Variants in B3GALT1 observed in about 807,000 individuals in gnomAD.
B3GALT1 encodes the protein UDP-Gal:betaGlcNAc beta 1,3-galactosyltransferase, polypeptide 1.
Under a neutral mutation model 23.2 loss-of-function variants are expected in B3GALT1, and 10 were observed. That is an observed-to-expected ratio of 0.43 (90% CI 0.27 to 0.73). The LOEUF is 0.73. B3GALT1 is among the 30% of genes least tolerant of loss of function. The pLI is 0.21. For synonymous variants in B3GALT1, 156 were observed against 141.5 expected (o/e 1.10, Z -0.73); for missense variants, 299 against 405.4 (o/e 0.74, Z 2.25).
chr2:167,662,340 A>G (rs1299701727), intron 3 of B3GALT1, among the ~76,000 whole-genome samples: 1 of 152,070 alleles, frequency 6.6e-6, no homozygotes, highest in African/African-American at 2.4e-5. Flanking sequence ...ATTTCTTTTT[A>G]CAGCAGCTTT....
At chr2:167,639,919 C>T (rs570361469) in intron 2 of B3GALT1, among the ~76,000 whole-genome samples, 3 of 152,258 alleles carry the variant, frequency 2.0e-5, no homozygotes, top group Admixed American at 2.0e-4. Context: ...AATGATGTCA[C>T]TTGTGAAAGT....
In B3GALT1 at chr2:167,855,814, T is replaced by C. The variant is rs59374156; in HGVS notation, c.-229-12997T>C. Among the ~76,000 whole-genome samples the C allele has an allele frequency of 7.0e-3, 1,063 of 152,286 alleles. 19 individuals carry two copies. The highest frequency in any genetic ancestry group is 0.024 in the African/African-American group (1,003 of 41,566). The stretch of plus-strand genomic sequence containing the variant: ...ACTTCTACCAAACTTTCAAACTGTC[T>C]GATGGACTTTCAAATTATGTACTAA... On this transcript the variant is annotated intron_variant, in intron 4 of 4. Coordinates refer to ENST00000392690, the MANE Select transcript of B3GALT1 (RefSeq NM_020981.4).
chr2:167,463,404 T>C lies in B3GALT1; in HGVS notation c.-510-26773T>C, dbSNP rs2105326810. On this transcript the variant is annotated intron_variant, in intron 1 of 4. Coordinates refer to ENST00000392690, the MANE Select transcript of B3GALT1 (RefSeq NM_020981.4). Reference sequence around the variant, plus strand: ...ATTACTAATACACTAATAGCCTGTATTGTTTACTGCTTACTAAATACTAAG... The same window carrying C: ...ATTACTAATACACTAATAGCCTGTACTGTTTACTGCTTACTAAATACTAAG... Among the ~76,000 whole-genome samples the C allele has an allele frequency of 2.0e-5, 3 of 152,276 alleles. No homozygotes were observed. In the South Asian group the frequency reaches 6.2e-4, roughly 32 times the overall value.
intron 1 of B3GALT1, among the ~76,000 whole-genome samples, chr2:167,437,861 G>A (rs1198603577): frequency 1.3e-5 from 2 of 152,136 alleles, no homozygotes; most frequent in Non-Finnish European, 2.9e-5. Flanking sequence ...CTGAACTGGA[G>A]ATATTCACAT....
chr2:167,415,034 G>A (rs1053951305), intron 1 of B3GALT1, among the ~76,000 whole-genome samples: 4 of 152,094 alleles, frequency 2.6e-5, no homozygotes, highest in African/African-American at 4.8e-5. Flanking sequence ...GTAGCAACTC[G>A]AATGAGATAG....
At chr2:167,424,020 A>C (rs1351270962) in intron 1 of B3GALT1, among the ~76,000 whole-genome samples, 1 of 152,212 alleles carries the variant, frequency 6.6e-6, no homozygotes, top group African/African-American at 2.4e-5. Flanking sequence ...AGAGATACAC[A>C]CAAAGTATCA....
intron 1 of B3GALT1, among the ~76,000 whole-genome samples, chr2:167,444,689 A>G (rs1698952562): frequency 6.6e-6 from 1 of 152,118 alleles, no homozygotes; most frequent in Admixed American, 6.5e-5. Context: ...GGTAGTTTGT[A>G]TTACTGTGGG....
chr2:167,809,259 C>T (rs1346415203), intron 3 of B3GALT1, among the ~76,000 whole-genome samples: 1 of 152,078 alleles, frequency 6.6e-6, no homozygotes, highest in South Asian at 2.1e-4. Context: ...GTAGTTTGAT[C>T]GTCTGAAGCC....
intron 1 of B3GALT1, among the ~76,000 whole-genome samples, chr2:167,474,196 T>G (rs1699458246): frequency 6.6e-6 from 1 of 152,190 alleles, no homozygotes; most frequent in Admixed American, 6.5e-5. Flanking sequence ...GTTCATAATT[T>G]TAACAGCTGT....
At chr2:167,838,709 C>G (rs1394304777) in intron 4 of B3GALT1, among the ~76,000 whole-genome samples, 7 of 152,340 alleles carry the variant, frequency 4.6e-5, no homozygotes, top group South Asian at 2.1e-4. Flanking sequence ...CCAAAGCCGG[C>G]CAGAGACACA....
intron 1 of B3GALT1, among the ~76,000 whole-genome samples, chr2:167,483,534 G>T (rs1363773408): frequency 6.6e-6 from 1 of 152,088 alleles, no homozygotes; most frequent in African/African-American, 2.4e-5. Context: ...GTTTAATATA[G>T]AATTCAAATT....
Position 167,511,140 on chromosome 2 carries a change from T to C in B3GALT1, c.-410+20863T>C, listed in dbSNP as rs542326272. Among the ~76,000 whole-genome samples, 9 of 152,286 alleles carry C rather than the reference T, an allele frequency of 5.9e-5. No individual in the cohort carries two copies. In the South Asian group the frequency reaches 6.2e-4, roughly 11 times the overall value. On this transcript the variant is annotated intron_variant, in intron 2 of 4. Coordinates refer to ENST00000392690, the MANE Select transcript of B3GALT1 (RefSeq NM_020981.4). ...GTTTGTTTTCTTTAATAAGGAGATA[T>C]TGAAAACAGCCAAATGAGAGAAAAT...
chr2:167,571,368 T>G (rs1010156424), intron 2 of B3GALT1, among the ~76,000 whole-genome samples: 2 of 152,058 alleles, frequency 1.3e-5, no homozygotes, highest in Admixed American at 1.3e-4. Flanking sequence ...AGCATTTTCC[T>G]TAATTCTCTT....
intron 2 of B3GALT1, among the ~76,000 whole-genome samples, chr2:167,534,429 G>A (rs192275859): frequency 8.1e-4 from 124 of 152,162 alleles, no homozygotes; most frequent in Middle Eastern, 3.4e-3. Flanking sequence ...AACTTTTGGG[G>A]ATTAGGGAAT....
intron 2 of B3GALT1, among the ~76,000 whole-genome samples, chr2:167,550,436 A>G (rs1683725761): frequency 6.6e-6 from 1 of 152,244 alleles, no homozygotes; most frequent in Non-Finnish European, 1.5e-5. Flanking sequence ...CTCTTCCAGC[A>G]GTAAAGTATC....
At chr2:167,520,552 GC>G (rs1247622893) in intron 2 of B3GALT1, among the ~76,000 whole-genome samples, 1 of 152,058 alleles carries the variant, frequency 6.6e-6, no homozygotes, top group Non-Finnish European at 1.5e-5. Context: ...TCATTCTTTG[GC>G]CCTCAGGAAA....
At chr2:167,627,955 A>G (rs1685373962) in intron 2 of B3GALT1, among the ~76,000 whole-genome samples, 2 of 151,618 alleles carry the variant, frequency 1.3e-5, no homozygotes, top group South Asian at 4.1e-4. Context: ...CTGACTGATA[A>G]TTTTGAATGA....
chr2:167,344,568 G>T (rs1697199287), intron 1 of B3GALT1, among the ~76,000 whole-genome samples: 1 of 152,134 alleles, frequency 6.6e-6, no homozygotes, highest in Non-Finnish European at 1.5e-5. Flanking sequence ...GAAAAAAAGA[G>T]AGATTGTGTT....
chr2:167,852,722 A>C (rs1403631997), intron 4 of B3GALT1, among the ~76,000 whole-genome samples: 1 of 152,124 alleles, frequency 6.6e-6, no homozygotes, highest in Admixed American at 6.6e-5. Flanking sequence ...CTTTTGATAC[A>C]CCTTTCCAGC....
Sources: allele counts gnomAD v4.1 joint callset (sites outside exome capture counted in the v4.1 genomes callset), GRCh38; gene constraint gnomAD v4.1.1; transcripts MANE v1.5; gene names NCBI Gene and HGNC (gene_info 2026-07-23, HGNC 2026-07-21).